PDE8A: variants seen among roughly 807,000 people sequenced by gnomAD.
The protein encoded by PDE8A is phosphodiesterase 8A.
PDE8A carries 59 observed loss-of-function variants against 105.0 expected under a neutral mutation model. The ratio of observed to expected loss-of-function variants is 0.56; its 90% CI spans 0.46 to 0.70. The LOEUF is 0.70. Ranked by LOEUF, PDE8A falls within the 30% of genes least tolerant of loss-of-function variation. The pLI, the probability that PDE8A is intolerant of heterozygous loss-of-function variation, is 0.00. For missense variants in PDE8A, 1,014 were observed against 1,045.9 expected, an observed-to-expected ratio of 0.97 and a Z score of 0.42; for synonymous variants, 355 against 371.9, an observed-to-expected ratio of 0.95 and a Z score of 0.52.
At chr15:85,067,339 C>G (rs562382562) in intron 3 of PDE8A, 135 bp downstream of exon 3, 1 of 581,614 alleles carries the variant, frequency 1.7e-6, no homozygotes, top group Non-Finnish European at 3.0e-6. Context: ...ATATTAGAAC[C>G]TCACTATTTA....
intron 12 of PDE8A, among the ~76,000 whole-genome samples, chr15:85,112,745 C>T (rs761421678): frequency 8.5e-5 from 13 of 152,154 alleles, no homozygotes; most frequent in Non-Finnish European, 1.5e-4. Context: ...TGGATGTTAA[C>T]GTTTTTTCTG....
At chr15:85,064,711 T>C (rs949684826) in intron 2 of PDE8A, among the ~76,000 whole-genome samples, 2 of 152,142 alleles carry the variant, frequency 1.3e-5, no homozygotes, top group African/African-American at 2.4e-5. Context: ...CCCAGCACTT[T>C]GGGAGGCTGA....
intron 3 of PDE8A, 44 bp downstream of exon 3, chr15:85,067,248 G>A: frequency 7.5e-7 from 1 of 1,341,486 alleles, no homozygotes; most frequent in Non-Finnish European, 1.0e-6. Context: ...TGGCCTTTCT[G>A]ACAATACATG....
chr15:85,089,601 AACAT>A (rs2081609211), intron 7 of PDE8A, among the ~76,000 whole-genome samples, 185 bp downstream of exon 7: 1 of 152,202 alleles, frequency 6.6e-6, no homozygotes, highest in African/African-American at 2.4e-5. Context: ...TAGATTAGAA[AACAT>A]ACTAATAATT....
intron 1 of PDE8A, among the ~76,000 whole-genome samples, chr15:85,027,866 T>A (rs2080544882): frequency 6.6e-6 from 1 of 152,214 alleles, no homozygotes; most frequent in Admixed American, 6.5e-5. Flanking sequence ...GTATACATTT[T>A]AAAAAACAAA....
intron 1 of PDE8A, among the ~76,000 whole-genome samples, chr15:84,992,397 A>G (rs1182682468): frequency 1.3e-5 from 2 of 152,176 alleles, no homozygotes; most frequent in African/African-American, 4.8e-5. Context: ...GCATGTTCCA[A>G]TTATGAGGAG....
intron 18 of PDE8A, among the ~76,000 whole-genome samples, chr15:85,122,772 G>C (rs577995449): frequency 6.6e-6 from 1 of 152,192 alleles, no homozygotes; most frequent in South Asian, 2.1e-4. Flanking sequence ...TCCATGTGGG[G>C]TATATTCTTT....
At chr15:85,070,249 C>A (rs867692968) in intron 3 of PDE8A, among the ~76,000 whole-genome samples, 1 of 152,200 alleles carries the variant, frequency 6.6e-6, no homozygotes, top group African/African-American at 2.4e-5. Flanking sequence ...GAACTCCTTA[C>A]ACTCCTTATG....
chr15:85,098,757 T>G (rs1300677636), intron 9 of PDE8A, among the ~76,000 whole-genome samples: 1 of 152,092 alleles, frequency 6.6e-6, no homozygotes, highest in African/African-American at 2.4e-5. Flanking sequence ...CCCAGGAGTT[T>G]GGGATCCGCC....
chr15:85,129,052 A>G (rs113566245), intron 20 of PDE8A, among the ~76,000 whole-genome samples: 7 of 152,350 alleles, frequency 4.6e-5, no homozygotes, highest in African/African-American at 1.7e-4. Context: ...TTCATATGGT[A>G]TATCACACTG....
At chr15:85,096,674 G>A (rs1216648065) in intron 8 of PDE8A, among the ~76,000 whole-genome samples, 6 of 152,086 alleles carry the variant, frequency 3.9e-5, no homozygotes, top group Non-Finnish European at 8.8e-5. Flanking sequence ...GTCCTTGGTG[G>A]CTTTGGACTA....
intron 3 of PDE8A, among the ~76,000 whole-genome samples, chr15:85,070,868 T>G (rs1360651991): frequency 6.6e-6 from 1 of 152,112 alleles, no homozygotes; most frequent in Admixed American, 6.5e-5. Flanking sequence ...AGTAGAAAAC[T>G]GGAGGAGATG....
intron 1 of PDE8A, among the ~76,000 whole-genome samples, chr15:84,989,351 T>A (rs1363931241): frequency 2.0e-5 from 3 of 152,242 alleles, no homozygotes; most frequent in African/African-American, 7.2e-5. Context: ...CCTTTGCTGT[T>A]TTGAATTCAT....
chr15:85,117,908 C>T, intron 17 of PDE8A, 69 bp downstream of exon 17: 1 of 1,199,036 alleles, frequency 8.3e-7, no homozygotes, highest in African/African-American at 1.5e-5. Context: ...CTTCTGCCTC[C>T]ACTAAGATAC....
chr15:85,035,459 C>G (rs1675983533), intron 1 of PDE8A, among the ~76,000 whole-genome samples: 1 of 152,034 alleles, frequency 6.6e-6, no homozygotes, highest in African/African-American at 2.4e-5. Context: ...ATCCGCCCAC[C>G]TCGGCCTCCC....
chr15:85,005,510 C>T lies in PDE8A; in HGVS notation c.186+23162C>T, dbSNP rs76019803. Among the ~76,000 whole-genome samples the T allele has an allele frequency of 5.8e-3, 880 of 152,246 alleles. 8 individuals carry two copies. The highest frequency in any genetic ancestry group is 0.017 in the Middle Eastern group (5 of 294). On this transcript the variant is annotated intron_variant, in intron 1 of 21. Transcript: ENST00000394553. Reference sequence around the variant, plus strand: ...AAATTTGTTGATTTTATAGCACCTCCGTCTTGAAAAATATGCCCCCTGGTG... The same window carrying T: ...AAATTTGTTGATTTTATAGCACCTCTGTCTTGAAAAATATGCCCCCTGGTG...
chr15:85,064,389 A>G lies in PDE8A; in HGVS notation c.206A>G (p.Gln69Arg), dbSNP rs61734393. Residue 69 changes from glutamine to arginine, a missense_variant, in exon 2 of 22, where the codon CAG becomes CGG. By Grantham distance (43) the Gln-to-Arg change is conservative (BLOSUM62 1). Coordinates refer to ENST00000394553, the MANE Select transcript of PDE8A (RefSeq NM_002605.3). ...SGKKVAVADV[Q>R]FGPMRFHQDQ... Reference sequence around the variant, plus strand: ...TTACAGGTAGCAGTAGCTGATGTGCAGTTTGGCCCCATGAGATTTCATCAA... The same window carrying G: ...TTACAGGTAGCAGTAGCTGATGTGCGGTTTGGCCCCATGAGATTTCATCAA... 1.2e-6 allele frequency: 2 copies of G among 1,609,944 alleles called. No individual in the cohort carries two copies. Among genetic ancestry groups the G allele is most frequent in the Admixed American group, 3.3e-5 (2 of 59,944 alleles).
intron 6 of PDE8A, among the ~76,000 whole-genome samples, chr15:85,084,939 A>T (rs1412665293): frequency 6.6e-6 from 1 of 152,062 alleles, no homozygotes; most frequent in African/African-American, 2.4e-5. Context: ...TGTCCACTTA[A>T]TCTTCATCTC....
intron 17 of PDE8A, 94 bp from the exon 18 acceptor site, chr15:85,120,703 T>C (rs1006837197): frequency 1.3e-6 from 1 of 743,978 alleles, no homozygotes; most frequent in Non-Finnish European, 2.3e-6. Context: ...GAAATATTCT[T>C]ACCTGAAAGT....
Sources: gnomAD v4.1 joint callset for allele counts (sites outside exome capture counted in the v4.1 genomes callset) on GRCh38, gnomAD v4.1.1 for gene constraint, MANE v1.5 for transcripts, NCBI Gene and HGNC (gene_info 2026-07-23, HGNC 2026-07-21) for gene names.